The following NCBP2L variants were observed in gnomAD, a reference collection of about 807,000 sequenced individuals.
NCBP2L encodes nuclear cap binding protein subunit 2 like.
For missense variants in NCBP2L, 95 were observed against 53.1 expected, an observed-to-expected ratio of 1.79 and a Z score of -2.45; for synonymous variants, 39 against 19.2, an observed-to-expected ratio of 2.04 and a Z score of -2.70.
intron 1 of NCBP2L, among the ~76,000 whole-genome samples, chrX:107,780,925 T>C (rs1930256869): frequency 9.2e-6 from 1 of 108,471 alleles, no homozygotes; most frequent in African/African-American, 3.4e-5. Context: ...AGCCCGGCCT[T>C]ATTATTATTA....
chrX:107,794,902 G>T lies in NCBP2L; in HGVS notation c.*220G>T. The T allele has an allele frequency of 3.3e-6, 1 of 303,472 alleles. No individual in the cohort carries two copies. The highest frequency in any genetic ancestry group is 5.8e-6 in the Non-Finnish European group (1 of 172,554). The allele number at this position is 303,472 out of a possible 1,213,427, so 25.0% of individuals were successfully genotyped here. A position where few individuals can be genotyped will look rare whatever the true frequency, so the allele number is the denominator to read the frequency against. ...AGATTACCAGTTTGACTGTTAGGTGGTCCAAAGTGAAGTGTTCTTCGGGAA... is the reference window on the plus strand; with the variant it reads ...AGATTACCAGTTTGACTGTTAGGTGTTCCAAAGTGAAGTGTTCTTCGGGAA... On this transcript the variant is annotated 3_prime_UTR_variant, in exon 2 of 2. Coordinates refer to ENST00000509000, the MANE Select transcript of NCBP2L (RefSeq NM_001348372.2).
chrX:107,782,289 A>T (rs1251699516), intron 1 of NCBP2L, among the ~76,000 whole-genome samples: 1 of 31,194 alleles, frequency 3.2e-5, no homozygotes, highest in Non-Finnish European at 4.2e-5. Context: ...ATATATAAAT[A>T]TATATATATA....
chrX:107,790,697 T>C (rs770958451), intron 1 of NCBP2L, among the ~76,000 whole-genome samples: 7 of 111,860 alleles, frequency 6.3e-5, no homozygotes, highest in Non-Finnish European at 9.4e-5. Flanking sequence ...TCTGGGTAGA[T>C]ACACAAGAAA....
chrX:107,790,371 T>C (rs1373861226), intron 1 of NCBP2L, among the ~76,000 whole-genome samples: 1 of 111,548 alleles, frequency 9.0e-6, no homozygotes, highest in Non-Finnish European at 1.9e-5. Context: ...CACACTGTGA[T>C]AGAATGCATT....
chrX:107,783,177 G>A (rs2147806464), intron 1 of NCBP2L, among the ~76,000 whole-genome samples: 1 of 108,542 alleles, frequency 9.2e-6, no homozygotes, highest in East Asian at 2.9e-4. Flanking sequence ...GGGAACTGAG[G>A]GAAATTGAAA....
At chrX:107,779,665 T>G (rs1415000868) in intron 1 of NCBP2L, among the ~76,000 whole-genome samples, 3 of 110,114 alleles carry the variant, frequency 2.7e-5, no homozygotes, top group African/African-American at 1.0e-4. Context: ...TGACCTCAGG[T>G]GATCCACCCG....
chrX:107,790,534 C>T (rs915328734), intron 1 of NCBP2L, among the ~76,000 whole-genome samples: 5 of 111,399 alleles, frequency 4.5e-5, no homozygotes, highest in Middle Eastern at 4.7e-3. Flanking sequence ...CTCCTATCAT[C>T]TTTTCCTTAT....
chrX:107,781,621 A>G (rs1301317739), intron 1 of NCBP2L, among the ~76,000 whole-genome samples: 1 of 93,273 alleles, frequency 1.1e-5, no homozygotes, highest in Admixed American at 1.2e-4. Context: ...CCTGGGATCC[A>G]TCTATCATTC....
chrX:107,794,523 G>C lies in NCBP2L; in HGVS notation c.303G>C (p.Gly101=), dbSNP rs761640141. 1.8e-6 allele frequency: 1 copy of C among 569,979 alleles called. No individual in the cohort carries two copies. The highest frequency in any genetic ancestry group is 3.2e-5 in the East Asian group (1 of 30,838). The allele number at this position is 569,979 out of a possible 1,213,427, so 47.0% of individuals were successfully genotyped here. ...AAAATGCCATGCGGTTTCTAACTGG[G>C]ACCTGCCTAGATGAATGGATTATCT... The part of the protein sequence containing the change: ...DAENAMRFLT[G]TCLDEWIICT... Residue 101 remains glycine (G), a synonymous_variant, in exon 2 of 2, where the codon GGG becomes GGC. Coordinates refer to ENST00000509000, the MANE Select transcript of NCBP2L (RefSeq NM_001348372.2).
At chrX:107,791,735 C>A (rs1930455019) in intron 1 of NCBP2L, among the ~76,000 whole-genome samples, 2 of 112,240 alleles carry the variant, frequency 1.8e-5, no homozygotes, top group Non-Finnish European at 3.8e-5. Flanking sequence ...TTATTGAACA[C>A]CTACAGTGTG....
intron 1 of NCBP2L, among the ~76,000 whole-genome samples, chrX:107,785,052 GGAAA>G (rs1164896980): frequency 2.1e-4 from 20 of 95,859 alleles, no homozygotes; most frequent in South Asian, 4.8e-4. Flanking sequence ...AAAGAAAGAA[GGAAA>G]GAAAGAAAGG....
intron 1 of NCBP2L, among the ~76,000 whole-genome samples, chrX:107,793,686 T>C (rs1206958703): frequency 1.8e-5 from 2 of 112,023 alleles, no homozygotes; most frequent in Non-Finnish European, 3.8e-5. Flanking sequence ...ATACAATATA[T>C]TGATTCCATG....
intron 1 of NCBP2L, among the ~76,000 whole-genome samples, chrX:107,781,692 C>CTCTCTCTCTATATATA (rs1395038482): frequency 8.8e-4 from 59 of 66,913 alleles, no homozygotes; most frequent in Admixed American, 2.9e-3. Context: ...CTCTCTCTCT[C>CTCTCTCTCTATATATA]TATATATATA....
chrX:107,793,577 T>A (rs1029301794), intron 1 of NCBP2L, among the ~76,000 whole-genome samples: 17 of 112,287 alleles, frequency 1.5e-4, no homozygotes, highest in African/African-American at 5.2e-4. Context: ...TAAAATCTAA[T>A]CTTAATTTAG....
chrX:107,794,245 T>A lies in NCBP2L; in HGVS notation c.25T>A (p.Cys9Ser). Residue 9 changes from cysteine to serine, a missense_variant, in exon 2 of 2, where the codon TGT (cysteine) becomes AGT (serine). Cys to Ser is a moderately radical substitution (Grantham distance 112). Transcript: ENST00000509000. The part of the protein sequence containing the change: MSKDLKIL[C>S]KDPALELSCY... ...CATGTCCAAAGACCTGAAAATTCTATGTAAAGACCCTGCTTTGGAGCTGAG... is the reference window on the plus strand; with the variant it reads ...CATGTCCAAAGACCTGAAAATTCTAAGTAAAGACCCTGCTTTGGAGCTGAG... 2 of 552,690 alleles carry A rather than the reference T, an allele frequency of 3.6e-6. No homozygotes were observed. The highest frequency in any genetic ancestry group is 3.3e-5 in the East Asian group (1 of 30,666). 45.5% of individuals were successfully genotyped at this position (552,690 alleles called of 1,213,427 possible).
At chrX:107,794,002 C>A in intron 1 of NCBP2L, 147 bp from the exon 2 acceptor site, 1 of 297,654 alleles carries the variant, frequency 3.4e-6, no homozygotes, top group South Asian at 1.2e-4. Flanking sequence ...GGGATTGGAG[C>A]TGTCTATTTT....
chrX:107,779,764 A>G (rs1930242176), intron 1 of NCBP2L, among the ~76,000 whole-genome samples: 1 of 22,428 alleles, frequency 4.5e-5, no homozygotes, highest in Non-Finnish European at 6.0e-5. Context: ...TTTTTTTTTG[A>G]GACAGAGTCT....
chrX:107,783,456 T>G (rs1215298803), intron 1 of NCBP2L, among the ~76,000 whole-genome samples: 1 of 106,440 alleles, frequency 9.4e-6, no homozygotes, highest in Non-Finnish European at 1.9e-5. Context: ...CACTGCAGCT[T>G]CTGCCTCCCG....
chrX:107,790,898 C>T (rs972620992), intron 1 of NCBP2L, among the ~76,000 whole-genome samples: 6 of 111,915 alleles, frequency 5.4e-5, no homozygotes, highest in African/African-American at 1.9e-4. Context: ...CCTCCTCATC[C>T]TCCTCTGTAG....
Sources: gnomAD v4.1 joint callset for allele counts (sites outside exome capture counted in the v4.1 genomes callset) on GRCh38, gnomAD v4.1.1 for gene constraint, MANE v1.5 for transcripts, NCBI Gene and HGNC (gene_info 2026-07-23, HGNC 2026-07-21) for gene names.